The following NRF1 variants were observed in gnomAD, a reference collection of about 807,000 sequenced individuals.
The protein encoded by NRF1 is alpha palindromic-binding protein.
In NRF1, 5 loss-of-function variants were observed where a neutral mutation model predicts 58.5. The observed-to-expected ratio is 0.09, with a 90% confidence interval of 0.04 to 0.18. The LOEUF (loss-of-function observed/expected upper bound fraction) is 0.18. Ranked by LOEUF, NRF1 falls within the 10% of genes least tolerant of loss-of-function variation. The probability of loss-of-function intolerance (pLI) is 1.00; values close to 1 mark genes in which losing one functional copy is unlikely to be tolerated. For missense variants in NRF1, 288 were observed against 657.7 expected (o/e 0.44, Z 6.15); for synonymous variants, 224 against 246.7 (o/e 0.91, Z 0.86).
At chr7:129,663,986 G>T (rs942540442) in intron 2 of NRF1, among the ~76,000 whole-genome samples, 2 of 151,662 alleles carry the variant, frequency 1.3e-5, no homozygotes, top group East Asian at 1.9e-4. Flanking sequence ...CCAGTCAGGA[G>T]TGGCGGCGTG....
intron 10 of NRF1, among the ~76,000 whole-genome samples, chr7:129,732,571 G>GT (rs1261357739): frequency 1.4e-5 from 2 of 147,820 alleles, no homozygotes; most frequent in South Asian, 2.2e-4. Flanking sequence ...TTGGAGTGGG[G>GT]TTTTTTTGGG....
intron 8 of NRF1, among the ~76,000 whole-genome samples, chr7:129,712,143 T>TCA (rs1803087385): frequency 7.6e-5 from 2 of 26,238 alleles, no homozygotes; most frequent in African/African-American, 2.9e-4. Context: ...TAAAGTTCTG[T>TCA]TATCTTCACT....
At chr7:129,687,037 T>G (rs1584640747) in intron 4 of NRF1, among the ~76,000 whole-genome samples, 2 of 152,314 alleles carry the variant, frequency 1.3e-5, no homozygotes, top group South Asian at 4.1e-4. Flanking sequence ...CATATATCAT[T>G]TTTGTATACA....
chr7:129,659,359 G>A lies in NRF1; in HGVS notation c.223+1785G>A, dbSNP rs547189814. ...CTCCCAGAGTGCTGGGATTATAGGCGTGAGCCACCGCATCCAGCGAACAAT... is the reference window on the plus strand; with the variant it reads ...CTCCCAGAGTGCTGGGATTATAGGCATGAGCCACCGCATCCAGCGAACAAT... On this transcript the variant is annotated intron_variant, in intron 2 of 10. Coordinates refer to ENST00000393232, the MANE Select transcript of NRF1 (RefSeq NM_005011.5). Among the ~76,000 whole-genome samples, 5 of 152,290 alleles carry A rather than the reference G, an allele frequency of 3.3e-5. No individual in the cohort carries two copies. The East Asian group carries it at 5.8e-4, about 18-fold the overall frequency.
At chr7:129,653,004 A>G (rs1801571891) in intron 1 of NRF1, among the ~76,000 whole-genome samples, 1 of 152,256 alleles carries the variant, frequency 6.6e-6, no homozygotes, top group Admixed American at 6.5e-5. Flanking sequence ...TTTTAGGCAT[A>G]TAGTTCAGTA....
chr7:129,677,646 C>T lies in NRF1; in HGVS notation c.353C>T (p.Thr118Met). ...TTCTGATTCAGGAAACTTCGAGCCA[C>T]GTTAGATGAATATACTACTCGTGTG... The part of the protein sequence containing the change: ...QTRLLRKLRA[T>M]LDEYTTRVGQ... The change falls in exon 4 of 11, where the codon ACG (threonine) becomes ATG (methionine). Residue 118 changes from threonine (T) to methionine (M), a missense_variant. Coordinates refer to ENST00000393232, the MANE Select transcript of NRF1 (RefSeq NM_005011.5). 6.2e-7 allele frequency: 1 copy of T among 1,613,854 alleles called. No homozygotes were observed. The highest frequency in any genetic ancestry group is 8.5e-7 in the Non-Finnish European group (1 of 1,179,928).
chr7:129,699,320 C>T (rs1802765694), intron 5 of NRF1, among the ~76,000 whole-genome samples: 1 of 152,122 alleles, frequency 6.6e-6, no homozygotes, highest in African/African-American at 2.4e-5. Context: ...ATTGGTCTCA[C>T]CTCTTCTACC....
chr7:129,737,908 A>T (rs926462494), intron 10 of NRF1, among the ~76,000 whole-genome samples: 3 of 152,230 alleles, frequency 2.0e-5, no homozygotes, highest in Admixed American at 6.5e-5. Context: ...GACTTGAAGC[A>T]GGCAGCCCCT....
At chr7:129,634,041 A>AATAT (rs1163693215) in intron 1 of NRF1, among the ~76,000 whole-genome samples, 62 of 113,776 alleles carry the variant, frequency 5.4e-4, no homozygotes, top group African/African-American at 2.1e-3. Flanking sequence ...AAAAAAAAAA[A>AATAT]AGATATATAT....
intron 1 of NRF1, chr7:129,641,932 G>C (rs537900764): frequency 6.6e-6 from 1 of 152,214 alleles, no homozygotes; most frequent in South Asian, 2.1e-4. Context: ...ACCCGCCTCA[G>C]CCTCCCAAAG....
intron 2 of NRF1, among the ~76,000 whole-genome samples, chr7:129,659,723 C>T (rs915322537): frequency 6.6e-6 from 1 of 152,196 alleles, no homozygotes; most frequent in Non-Finnish European, 1.5e-5. Context: ...GGCCTGCCCC[C>T]CTCTCCCGGA....
rs182342020 is a variant in NRF1 at position 129,726,915 on chromosome 7, A to G, written c.1224-326A>G. ...GTGAATATGGATCAGAGCTTTCACT[A>G]TGGCTTGCAAGCACTCAGCTGATAT... On this transcript the variant is annotated intron_variant, in intron 9 of 10. Coordinates refer to ENST00000393232, the MANE Select transcript of NRF1 (RefSeq NM_005011.5). Among the ~76,000 whole-genome samples, 14 of 152,352 alleles carry G rather than the reference A, an allele frequency of 9.2e-5. No homozygotes were observed. In the East Asian group the frequency reaches 2.5e-3, roughly 27 times the overall value.
In NRF1 at chr7:129,694,229, A is replaced by G. The variant is rs148121545; in HGVS notation, c.606+3683A>G. 5.1e-3 allele frequency among the ~76,000 whole-genome samples: 776 copies of G among 152,366 alleles called. 8 individuals carry two copies. Among genetic ancestry groups the G allele is most frequent in the African/African-American group, 0.018 (729 of 41,592 alleles). On this transcript the variant is annotated intron_variant, in intron 5 of 10. Coordinates refer to ENST00000393232, the MANE Select transcript of NRF1 (RefSeq NM_005011.5). Reference sequence around the variant, plus strand: ...AGGAGGAAGAGGGAGCAGGATGATGAAAAACCCAGCTCCCAATTGAATGGG... The same window carrying G: ...AGGAGGAAGAGGGAGCAGGATGATGGAAAACCCAGCTCCCAATTGAATGGG...
intron 9 of NRF1, among the ~76,000 whole-genome samples, chr7:129,720,504 A>G (rs1465556121): frequency 6.6e-6 from 1 of 152,206 alleles, no homozygotes; most frequent in African/African-American, 2.4e-5. Flanking sequence ...GCAGTTTCAT[A>G]ATCTGCCCTC....
At chr7:129,675,721 A>G (rs1176226616) in intron 3 of NRF1, among the ~76,000 whole-genome samples, 1 of 152,338 alleles carries the variant, frequency 6.6e-6, no homozygotes, top group Non-Finnish European at 1.5e-5. Context: ...TCCATAAACC[A>G]TGCTGTAAAC....
At chr7:129,653,539 T>C (rs1449577532) in intron 1 of NRF1, among the ~76,000 whole-genome samples, 1 of 152,212 alleles carries the variant, frequency 6.6e-6, no homozygotes, top group Non-Finnish European at 1.5e-5. Flanking sequence ...CTCATGGTAT[T>C]GTACATTCTA....
intron 9 of NRF1, among the ~76,000 whole-genome samples, chr7:129,724,072 G>T (rs997983119): frequency 7.9e-5 from 12 of 152,208 alleles, no homozygotes; most frequent in African/African-American, 2.7e-4. Flanking sequence ...TTCTTAAAAT[G>T]TGTGCATCAA....
intron 10 of NRF1, among the ~76,000 whole-genome samples, chr7:129,728,468 C>CAA (rs60777041): frequency 0.019 from 1,838 of 95,962 alleles, 185 homozygotes; most frequent in African/African-American, 0.044. Flanking sequence ...GACTCCGTCT[C>CAA]AAAAAAAAAA....
intron 1 of NRF1, among the ~76,000 whole-genome samples, chr7:129,631,854 T>A (rs953675764): frequency 6.6e-6 from 1 of 152,252 alleles, no homozygotes; most frequent in African/African-American, 2.4e-5. Flanking sequence ...ATTTGTGTTC[T>A]TTGTGTAAGG....
Sources: gnomAD v4.1 joint callset for allele counts (sites outside exome capture counted in the v4.1 genomes callset) on GRCh38, gnomAD v4.1.1 for gene constraint, MANE v1.5 for transcripts, NCBI Gene and HGNC (gene_info 2026-07-23, HGNC 2026-07-21) for gene names.